ADAMTS15: variants seen among roughly 807,000 people sequenced by gnomAD.
ADAMTS15 encodes the protein ADAM metallopeptidase with thrombospondin type 1 motif 15.
A neutral mutation model predicts 79.1 loss-of-function variants in ADAMTS15; 35 were observed. The observed-to-expected ratio is 0.44, with a 90% CI of 0.34 to 0.59. The LOEUF (loss-of-function observed/expected upper bound fraction) is 0.59, where lower values mean the gene tolerates loss of function less well. Ranked by LOEUF, ADAMTS15 falls within the 20% of genes least tolerant of loss-of-function variation. ADAMTS15 has a pLI of 0.02. For synonymous variants in ADAMTS15, 616 were observed against 567.3 expected (o/e 1.09, Z -1.22); for missense variants, 1,324 against 1,318.7 (o/e 1.00, Z -0.06).
intron 4 of ADAMTS15, among the ~76,000 whole-genome samples, chr11:130,463,745 C>T (rs1400682550): frequency 6.6e-6 from 1 of 152,158 alleles, no homozygotes; most frequent in Non-Finnish European, 1.5e-5. Context: ...GTTCAGGGAA[C>T]TGTGTAAGAT....
At chr11:130,461,687 C>A in intron 2 of ADAMTS15, 66 bp downstream of exon 2, 1 of 1,597,774 alleles carries the variant, frequency 6.3e-7, no homozygotes, top group South Asian at 1.1e-5. Context: ...GGGTGGGAGA[C>A]GTGTGTCTTT....
chr11:130,449,193 T>C lies in ADAMTS15; in HGVS notation c.220T>C (p.Phe74Leu). 7 of 1,613,930 alleles carry C rather than the reference T, an allele frequency of 4.3e-6. No homozygotes were observed. The highest frequency in any genetic ancestry group is 5.9e-6 in the Non-Finnish European group (7 of 1,179,836). The part of the protein sequence containing the change: ...FYLHLTPDAQ[F>L]LAPAFSTEHL... ...CCTACACCTGACGCCGGATGCTCAGTTCTTGGCTCCCGCCTTCTCCACTGA... is the reference window on the plus strand; with the variant it reads ...CCTACACCTGACGCCGGATGCTCAGCTCTTGGCTCCCGCCTTCTCCACTGA... The change falls in exon 1 of 8, where the codon TTC becomes CTC. Residue 74 changes from phenylalanine (F) to leucine (L), a missense_variant. Physicochemically the swap from Phe to Leu is conservative, Grantham distance 22. Coordinates refer to ENST00000299164, the MANE Select transcript of ADAMTS15 (RefSeq NM_139055.4). The surrounding 1 kb of genome is among the most constrained non-coding windows in gnomAD (Gnocchi z 7.8).
chr11:130,475,728 CTG>C lies in ADAMTS15; in HGVS notation c.*1910_*1911del, dbSNP rs756389202. 5 of 152,430 alleles carry C rather than the reference CTG, an allele frequency of 3.3e-5. No homozygotes were observed. Among genetic ancestry groups the C allele is most frequent in the Non-Finnish European group, 7.3e-5 (5 of 68,192 alleles). The allele number at this position is 152,430 out of a possible 1,614,324, so 9.4% of individuals were successfully genotyped here. The stretch of plus-strand genomic sequence containing the variant: ...AAGAACTAAGTGAACAGGAACCCCT[CTG>C]TGCCAGTGACCACTGTGGGGCTAAA... On this transcript the variant is annotated 3_prime_UTR_variant, in exon 8 of 8. Transcript: ENST00000299164.
Position 130,470,910 on chromosome 11 carries a change from C to T in ADAMTS15, c.1721-10C>T. The T allele has an allele frequency of 6.2e-7, 1 of 1,610,394 alleles. No individual in the cohort carries two copies. The highest frequency in any genetic ancestry group is 8.5e-7 in the Non-Finnish European group (1 of 1,178,358). On this transcript the variant is annotated splice_polypyrimidine_tract_variant and intron_variant, in intron 5 of 7. Transcript: ENST00000299164. The stretch of plus-strand genomic sequence containing the variant: ...CCCTCAACTTCTTTCTTATGCTTCT[C>T]CCTCCCTAGCCTCCGGAAAGAGCTT...
Position 130,448,905 on chromosome 11 carries a change from G to A in ADAMTS15, c.-69G>A. 1 of 1,270,114 alleles carries A rather than the reference G, an allele frequency of 7.9e-7. No individual in the cohort carries two copies. The highest frequency in any genetic ancestry group is 1.0e-6 in the Non-Finnish European group (1 of 961,876). The allele number at this position is 1,270,114 out of a possible 1,614,324, so 78.7% of individuals were successfully genotyped here. On this transcript the variant is annotated 5_prime_UTR_variant, in exon 1 of 8. Coordinates refer to ENST00000299164, the MANE Select transcript of ADAMTS15 (RefSeq NM_139055.4). ...GGTTCCAGAGTGCGGGCTGCACGGA[G>A]ACCGCGGCAGCGGCCGGAGAGCCCG...
chr11:130,469,297 C>T lies in ADAMTS15; in HGVS notation c.1578C>T (p.Gly526=), dbSNP rs1192181796. ...DGSWAKWDPY[G]PCSRTCGGGV... is the part of the protein sequence containing the mutation. ...CCTGGGCCAAATGGGATCCCTATGG[C>T]CCCTGCTCGCGCACATGTGGTGGGG... The change falls in exon 5 of 8, where the codon GGC becomes GGT. Residue 526 remains glycine (G), a synonymous_variant. Transcript: ENST00000299164. The T allele has an allele frequency of 7.1e-7, 1 of 1,401,928 alleles. No individual in the cohort carries two copies. Among genetic ancestry groups the T allele is most frequent in the Non-Finnish European group, 9.3e-7 (1 of 1,073,246 alleles). 86.8% of individuals were successfully genotyped at this position (1,401,928 alleles called of 1,614,324 possible).
At chr11:130,451,371 C>G (rs1021805428) in intron 1 of ADAMTS15, among the ~76,000 whole-genome samples, 2 of 152,250 alleles carry the variant, frequency 1.3e-5, no homozygotes, top group East Asian at 1.9e-4. Flanking sequence ...TCCTCTGTTC[C>G]CAGCCTTCTT....
chr11:130,449,838 C>T lies in ADAMTS15; in HGVS notation c.865C>T (p.Leu289=). 3 of 1,608,812 alleles carry T rather than the reference C, an allele frequency of 1.9e-6. No homozygotes were observed. Among genetic ancestry groups the T allele is most frequent in the Non-Finnish European group, 2.5e-6 (3 of 1,180,004 alleles). Residue 289 remains leucine (L), a synonymous_variant, in exon 1 of 8, where the codon CTG becomes TTG. Coordinates refer to ENST00000299164, the MANE Select transcript of ADAMTS15 (RefSeq NM_139055.4). The surrounding 1 kb of genome is among the most constrained non-coding windows in gnomAD (Gnocchi z 7.8). ...GGTCACCGGCAATGCGGCCCTGACG[C>T]TGCGCAACTTCTGTGCCTGGCAGAA... is the stretch of plus-strand genomic sequence containing the variant. ...PKVTGNAALT[L]RNFCAWQKKL...
At chr11:130,458,070 C>T (rs1391465636) in intron 1 of ADAMTS15, among the ~76,000 whole-genome samples, 3 of 152,148 alleles carry the variant, frequency 2.0e-5, no homozygotes. Context: ...CATGTCTTTG[C>T]TCCAGAGAAA....
At chr11:130,453,663 G>T (rs1231563810) in intron 1 of ADAMTS15, among the ~76,000 whole-genome samples, 1 of 152,144 alleles carries the variant, frequency 6.6e-6, no homozygotes, top group Non-Finnish European at 1.5e-5. Context: ...CTGGCCTCAA[G>T]AGATCCTCCT....
rs942249971 is a variant in ADAMTS15, at chr11:130,462,971, C to A, written c.1542+191C>A. Among the ~76,000 whole-genome samples the A allele has an allele frequency of 6.6e-6, 1 of 152,194 alleles. No homozygotes were observed. The highest frequency in any genetic ancestry group is 2.4e-5 in the African/African-American group (1 of 41,442). On this transcript the variant is annotated intron_variant, in intron 4 of 7. Transcript: ENST00000299164. The surrounding 1 kb of genome is among the most constrained non-coding windows in gnomAD (Gnocchi z 4.3). The stretch of plus-strand genomic sequence containing the variant: ...CCTATCCCCTTCTTGACTCTAAGAC[C>A]GGAGAGAAAAGCTATGGCAGGTCAG...
At chr11:130,470,208 A>ATATATATG (rs1306026811) in intron 5 of ADAMTS15, among the ~76,000 whole-genome samples, 1 of 63,250 alleles carries the variant, frequency 1.6e-5, no homozygotes, top group South Asian at 4.4e-4. Context: ...ATATATATAT[A>ATATATATG]TGTATATATA....
In ADAMTS15 at chr11:130,470,209, T is replaced by TATATAC. The variant is rs1491377478; in HGVS notation, c.1721-711_1721-710insATATAC. Among the ~76,000 whole-genome samples, 18 of 60,100 alleles carry TATATAC rather than the reference T, an allele frequency of 3.0e-4. 1 individual carries two copies. The highest frequency in any genetic ancestry group is 8.6e-4 in the African/African-American group (9 of 10,422). The allele number at this position is 60,100 out of a possible 152,430, so 39.4% of individuals were successfully genotyped here. On this transcript the variant is annotated intron_variant, in intron 5 of 7. Coordinates refer to ENST00000299164, the MANE Select transcript of ADAMTS15 (RefSeq NM_139055.4). ...GTGTATATATATATATATATATATA[T>TATATAC]GTATATATATATATATTTTCTGAGG...
chr11:130,473,525 G>T lies in ADAMTS15; in HGVS notation c.2557G>T (p.Ala853Ser). The T allele has an allele frequency of 6.2e-7, 1 of 1,607,598 alleles. No individual in the cohort carries two copies. The highest frequency in any genetic ancestry group is 8.5e-7 in the Non-Finnish European group (1 of 1,176,546). ...GGCTGGCAGCTGGGGGCCGTGCTCC[G>T]CGAGCTGCGGCAGTGGCCTGCAGAA... ...WVAGSWGPCS[A>S]SCGSGLQKRA... Residue 853 changes from alanine to serine, a missense_variant, in exon 8 of 8, where the codon GCG (alanine) becomes TCG (serine). By Grantham distance (99) the Ala-to-Ser change is moderately conservative. Transcript: ENST00000299164.
In ADAMTS15 at chr11:130,472,285, G is replaced by T. The variant is rs1232977576; in HGVS notation, c.2079-762G>T. Among the ~76,000 whole-genome samples, 1 of 152,182 alleles carries T rather than the reference G, an allele frequency of 6.6e-6. No individual in the cohort carries two copies. The highest frequency in any genetic ancestry group is 1.5e-5 in the Non-Finnish European group (1 of 68,032). ...TCGCCCTCTCCTGAGCCCCTGGGTG[G>T]TGATGCGAAGGGAGGATGCCCAGCC... On this transcript the variant is annotated intron_variant, in intron 7 of 7. Transcript: ENST00000299164. The surrounding 1 kb of genome is among the most constrained non-coding windows in gnomAD (Gnocchi z 4.7).
rs1938585542 is a variant in ADAMTS15 at position 130,476,307 on chromosome 11, C to T, written c.*2486C>T. 2.0e-5 allele frequency: 3 copies of T among 152,210 alleles called. No individual in the cohort carries two copies. Among genetic ancestry groups the T allele is most frequent in the Non-Finnish European group, 4.4e-5 (3 of 68,054 alleles). The allele number at this position is 152,210 out of a possible 1,614,324, so 9.4% of individuals were successfully genotyped here. A position where few individuals can be genotyped will look rare whatever the true frequency, so the allele number is the denominator to read the frequency against. ...AGCTTTGGGCTCAGGATTCCCTAGC[C>T]TCCTCTGCCCATCGCGTGCACTGAT... On this transcript the variant is annotated 3_prime_UTR_variant, in exon 8 of 8. Coordinates refer to ENST00000299164, the MANE Select transcript of ADAMTS15 (RefSeq NM_139055.4).
At chr11:130,451,883 A>G (rs946061223) in intron 1 of ADAMTS15, among the ~76,000 whole-genome samples, 1 of 152,194 alleles carries the variant, frequency 6.6e-6, no homozygotes, top group Non-Finnish European at 1.5e-5. Context: ...TCCATGCATA[A>G]TGGGTACAAG....
rs1402032384 is a variant in ADAMTS15 at position 130,461,965 on chromosome 11, T to C, written c.1091-122T>C. On this transcript the variant is annotated intron_variant, in intron 2 of 7. Coordinates refer to ENST00000299164, the MANE Select transcript of ADAMTS15 (RefSeq NM_139055.4). The stretch of plus-strand genomic sequence containing the variant: ...AGGACATTTGAAAGCAGTCTGTCGA[T>C]AGTTGGCAATGACCAGCCTGAAAAC... The C allele has an allele frequency of 9.6e-6, 11 of 1,144,858 alleles. No homozygotes were observed. The East Asian group carries it at 2.1e-4, about 22-fold the overall frequency. The allele number at this position is 1,144,858 out of a possible 1,614,324, so 70.9% of individuals were successfully genotyped here.
Position 130,473,326 on chromosome 11 carries a change from G to A in ADAMTS15, c.2358G>A (p.Val786=), listed in dbSNP as rs1418135857. Residue 786 remains valine, a synonymous_variant, in exon 8 of 8, where the codon GTG becomes GTA. Transcript: ENST00000299164. ...CGCTGACCGTGGAGGTCCTCTCCGT[G>A]GGGAAGATGACACCGCCCCGGGTCC... ...LEPLTVEVLS[V]GKMTPPRVRY... 1 of 1,613,052 alleles carries A rather than the reference G, an allele frequency of 6.2e-7. No homozygotes were observed. The highest frequency in any genetic ancestry group is 1.7e-5 in the Admixed American group (1 of 60,032).
Sources: gnomAD v4.1 joint callset for allele counts (sites outside exome capture counted in the v4.1 genomes callset) on GRCh38, gnomAD v4.1.1 for gene constraint, Gnocchi (gnomAD v3.1) non-coding constraint, MANE v1.5 for transcripts, NCBI Gene and HGNC (gene_info 2026-07-23, HGNC 2026-07-21) for gene names.